DYNC1H1: variants seen among roughly 807,000 people sequenced by gnomAD.
DYNC1H1 encodes the protein cytoplasmic dynein 1 heavy chain 1.
A neutral mutation model predicts 527.1 loss-of-function variants in DYNC1H1; 51 were observed. That is an observed-to-expected ratio of 0.10 (90% confidence interval 0.08 to 0.12). DYNC1H1 has a LOEUF of 0.12. Among genes scored for constraint, DYNC1H1 ranks in the 10% least tolerant of loss-of-function variants. The pLI, the probability that DYNC1H1 is intolerant of heterozygous loss-of-function variation, is 1.00. For missense variants in DYNC1H1, 2,771 were observed against 5,971.8 expected (o/e 0.46, Z 17.66); for synonymous variants, 2,189 against 2,278.8 (o/e 0.96, Z 1.12).
At position 102,008,331 on chromosome 14, in the gene DYNC1H1, G is replaced by C; in HGVS notation, c.5971G>C (p.Asp1991His). 1.2e-6 allele frequency: 2 copies of C among 1,614,082 alleles called. No homozygotes were observed. The highest frequency in any genetic ancestry group is 1.7e-6 in the Non-Finnish European group (2 of 1,179,998). Residue 1991 changes from aspartate (D) to histidine (H), a missense_variant, in exon 29 of 78, where the codon GAC becomes CAC. Physicochemically the swap from Asp to His is moderately conservative, Grantham distance 81. This residue lies in a region of DYNC1H1 where 39 missense variants were observed against 38.8 expected (regional missense o/e 1.00). Transcript: ENST00000360184. ...GCGTGAACATTCCAACCCCAACTACGACAAGAGTAAGACACCTCTTCTTCA... is the reference window on the plus strand; with the variant it reads ...GCGTGAACATTCCAACCCCAACTACCACAAGAGTAAGACACCTCTTCTTCA... ...ALREHSNPNY[D>H]KTSAPITCEL... is the part of the protein sequence containing the mutation.
At position 101,986,250 on chromosome 14, in the gene DYNC1H1, T is replaced by C. The variant is rs140154194; in HGVS notation, c.2025T>C (p.Asn675=). The change falls in exon 8 of 78, where the codon AAT becomes AAC. Residue 675 remains asparagine, a synonymous_variant. Transcript: ENST00000360184. The surrounding 1 kb of genome is among the most constrained non-coding windows in gnomAD (Gnocchi z 8.7). ...VEDVLGKGWE[N]HVEGQKLKQD... The stretch of plus-strand genomic sequence containing the variant: ...ATGTCCTTGGCAAGGGCTGGGAGAA[T>C]CACGTGGAGGGGCAGAAGCTGAAGC... The C allele has an allele frequency of 1.1e-4, 177 of 1,613,648 alleles. No homozygotes were observed. Among genetic ancestry groups the C allele is most frequent in the Middle Eastern group, 1.6e-4 (1 of 6,082 alleles).
In DYNC1H1 at chr14:102,054,346, T is replaced by A. The variant is rs2048853760; in HGVS notation, c.*3783T>A. 6.6e-6 allele frequency: 1 copy of A among 152,158 alleles called. No individual in the cohort carries two copies. The highest frequency in any genetic ancestry group is 2.1e-4 in the South Asian group (1 of 4,824). 9.4% of individuals were successfully genotyped at this position (152,158 alleles called of 1,614,324 possible). A position where few individuals can be genotyped will look rare whatever the true frequency, so the allele number is the denominator to read the frequency against. ...TGCCACATCCAGGGCCTGAAGGGCG[T>A]TCTGGGGAGCCTCCACCTTCACACC... is the stretch of plus-strand genomic sequence containing the variant. On this transcript the variant is annotated 3_prime_UTR_variant, in exon 78 of 78. Coordinates refer to ENST00000360184, the MANE Select transcript of DYNC1H1 (RefSeq NM_001376.5).
chr14:101,967,111 C>T (rs2047677592), intron 1 of DYNC1H1, among the ~76,000 whole-genome samples: 1 of 152,094 alleles, frequency 6.6e-6, no homozygotes, highest in Admixed American at 6.6e-5. Flanking sequence ...TTAAATTAAT[C>T]CAGTTTTATG....
At position 102,041,445 on chromosome 14, in the gene DYNC1H1, T is replaced by C; in HGVS notation, c.11942-129T>C. On this transcript the variant is annotated intron_variant, in intron 64 of 77. Transcript: ENST00000360184. This position sits in a 1 kb window ranked among gnomAD's most constrained non-coding sequence, Gnocchi z 4.5. Reference sequence around the variant, plus strand: ...GCACAGCAGATGTGGCTGAATTTCCTGATTTGAGCTGATCCTGAAATGCTG... The same window carrying C: ...GCACAGCAGATGTGGCTGAATTTCCCGATTTGAGCTGATCCTGAAATGCTG... 1 of 1,484,746 alleles carries C rather than the reference T, an allele frequency of 6.7e-7. No individual in the cohort carries two copies. Among genetic ancestry groups the C allele is most frequent in the South Asian group, 1.1e-5 (1 of 87,602 alleles). The allele number at this position is 1,484,746 out of a possible 1,614,324, so 92.0% of individuals were successfully genotyped here. A position where few individuals can be genotyped will look rare whatever the true frequency, so the allele number is the denominator to read the frequency against.
chr14:101,968,215 G>A (rs1244296711), intron 1 of DYNC1H1, among the ~76,000 whole-genome samples: 3 of 152,160 alleles, frequency 2.0e-5, no homozygotes, highest in African/African-American at 7.2e-5. Context: ...CCTGGGATTG[G>A]CTGCTAGGTT....
chr14:101,988,769 C>G lies in DYNC1H1; in HGVS notation c.2785C>G (p.Gln929Glu). The change falls in exon 10 of 78, where the codon CAA becomes GAA. Residue 929 changes from glutamine to glutamate, a missense_variant. This residue lies in a region of DYNC1H1 where 179 missense variants were observed against 349.4 expected (regional missense o/e 0.51). Transcript: ENST00000360184. ...AGCTTGGACGCAGGTTCTTCTTGGA[C>G]AAGCTGAAGATAAAGCAGAAGTTGA... ...LRAWTQVLLG[Q>E]AEDKAEVDMD... The G allele has an allele frequency of 6.2e-7, 1 of 1,614,196 alleles. No individual in the cohort carries two copies. The highest frequency in any genetic ancestry group is 8.5e-7 in the Non-Finnish European group (1 of 1,180,036).
In DYNC1H1 at chr14:101,971,155, C is replaced by T. The variant is rs117711564; in HGVS notation, c.257-4557C>T. On this transcript the variant is annotated intron_variant, in intron 1 of 77. Transcript: ENST00000360184. ...CTCTGTCGCCCAGGCTGGAGTGCAG[C>T]GCTGCAGTCTCAGCTCACTGCAGCC... Among the ~76,000 whole-genome samples, 742 of 135,808 alleles carry T rather than the reference C, an allele frequency of 5.5e-3. 15 individuals carry two copies. The highest frequency in any genetic ancestry group is 0.038 in the East Asian group (174 of 4,576). The allele number at this position is 135,808 out of a possible 152,430, so 89.1% of individuals were successfully genotyped here.
chr14:102,007,218 G>A, intron 28 of DYNC1H1, 110 bp downstream of exon 28: 1 of 1,156,408 alleles, frequency 8.6e-7, no homozygotes, highest in Non-Finnish European at 1.3e-6. Flanking sequence ...GCTCAGCGTG[G>A]TTTATATGGC....
At chr14:102,019,861 A>G (rs781184152) in intron 41 of DYNC1H1, 32 bp from the exon 42 acceptor site, 4 of 1,613,746 alleles carry the variant, frequency 2.5e-6, no homozygotes, top group Middle Eastern at 1.6e-4. Flanking sequence ...TAAGATATTT[A>G]CGTGTACCTT....
intron 11 of DYNC1H1, 141 bp from the exon 12 acceptor site, chr14:101,994,043 C>T: frequency 8.7e-7 from 1 of 1,152,414 alleles, no homozygotes; most frequent in Non-Finnish European, 1.3e-6. Context: ...TACTTGTGGC[C>T]AGGGTAAGTG....
At position 102,001,982 on chromosome 14, in the gene DYNC1H1, A is replaced by G. The variant is rs957290912; in HGVS notation, c.4542+301A>G. Among the ~76,000 whole-genome samples the G allele has an allele frequency of 2.0e-5, 3 of 152,134 alleles. No individual in the cohort carries two copies. The highest frequency in any genetic ancestry group is 4.4e-5 in the Non-Finnish European group (3 of 68,028). The stretch of plus-strand genomic sequence containing the variant: ...GAGACAGCATCTCACTATATTGCCC[A>G]GGCTGGTCTCGAACTCCTGGGCTTA... On this transcript the variant is annotated intron_variant, in intron 21 of 77. Coordinates refer to ENST00000360184, the MANE Select transcript of DYNC1H1 (RefSeq NM_001376.5). This position sits in a 1 kb window ranked among gnomAD's most constrained non-coding sequence, Gnocchi z 5.0.
chr14:102,050,244 G>A (rs374961796), intron 77 of DYNC1H1, 46 bp downstream of exon 77: 64 of 1,613,472 alleles, frequency 4.0e-5, no homozygotes, highest in South Asian at 1.9e-4. Context: ...GGACCCCTGC[G>A]GTAACAAGGG....
rs192959810 is a variant in DYNC1H1 at position 101,985,929 on chromosome 14, T to C, written c.1704T>C (p.Leu568=). 1.3e-4 allele frequency: 212 copies of C among 1,614,238 alleles called. 1 individual carries two copies. The highest frequency in any genetic ancestry group is 8.2e-4 in the Middle Eastern group (5 of 6,062). Residue 568 remains leucine, a synonymous_variant, in exon 8 of 78, where the codon CTT becomes CTC. Transcript: ENST00000360184. This position sits in a 1 kb window ranked among gnomAD's most constrained non-coding sequence, Gnocchi z 5.9. ...DRVETRITAR[L]RDQLGTAKNA... is the part of the protein sequence containing the mutation. ...TGGAGACCCGGATCACCGCTCGCCT[T>C]CGGGATCAGCTTGGCACAGCCAAGA...
rs17540915 is a variant in DYNC1H1, at chr14:101,995,354, G to A, written c.3564+54G>A. The A allele has an allele frequency of 0.024, 38,382 of 1,607,678 alleles. 608 individuals are homozygous for A. The highest frequency in any genetic ancestry group is 0.043 in the South Asian group (3,916 of 90,740). On this transcript the variant is annotated intron_variant, in intron 15 of 77. Transcript: ENST00000360184. Reference sequence around the variant, plus strand: ...TGGCTGGGCGTGGTGGCTCACGCCTGTAATCCCAGCACTTTGGGAGGCCGA... The same window carrying A: ...TGGCTGGGCGTGGTGGCTCACGCCTATAATCCCAGCACTTTGGGAGGCCGA...
At chr14:102,031,818 G>A (rs1244317638) in intron 51 of DYNC1H1, among the ~76,000 whole-genome samples, 2 of 152,114 alleles carry the variant, frequency 1.3e-5, no homozygotes, top group Non-Finnish European at 2.9e-5. Flanking sequence ...GCTGGGCGTG[G>A]TGGTGCATAC....
At position 102,001,402 on chromosome 14, in the gene DYNC1H1, T is replaced by A. The variant is rs1282159154; in HGVS notation, c.4395+48T>A. 2 of 1,613,636 alleles carry A rather than the reference T, an allele frequency of 1.2e-6. No homozygotes were observed. Among genetic ancestry groups the A allele is most frequent in the Admixed American group, 1.7e-5 (1 of 60,020 alleles). ...TGCTTTACGTTGTGTTTCGGGCTGTTACATAGATCTGAGCTATGTAAAAAT... is the reference window on the plus strand; with the variant it reads ...TGCTTTACGTTGTGTTTCGGGCTGTAACATAGATCTGAGCTATGTAAAAAT... On this transcript the variant is annotated intron_variant, in intron 20 of 77. Transcript: ENST00000360184. The surrounding 1 kb of genome is among the most constrained non-coding windows in gnomAD (Gnocchi z 5.0).
chr14:102,019,720 G>T (rs900043312), intron 41 of DYNC1H1, among the ~76,000 whole-genome samples, 173 bp from the exon 42 acceptor site: 9 of 152,160 alleles, frequency 5.9e-5, no homozygotes, highest in Non-Finnish European at 1.2e-4. Flanking sequence ...TTCTGCCTCA[G>T]CCTCCCTAGT....
intron 56 of DYNC1H1, 26 bp downstream of exon 56, chr14:102,034,478 G>A (rs1234570934): frequency 6.2e-7 from 1 of 1,612,162 alleles, no homozygotes; most frequent in Admixed American, 1.7e-5. Flanking sequence ...CCAAGGAGAG[G>A]CATGGGAGGA....
chr14:102,028,299 C>T, intron 48 of DYNC1H1, 158 bp downstream of exon 48: 1 of 828,566 alleles, frequency 1.2e-6, no homozygotes, highest in Non-Finnish European at 1.9e-6. Flanking sequence ...ATCACTTGAA[C>T]CCAGGAGTTC....
Sources: gnomAD v4.1 joint callset for allele counts (sites outside exome capture counted in the v4.1 genomes callset) on GRCh38, gnomAD v4.1.1 for gene constraint, gnomAD v4.1.1 regional missense constraint, Gnocchi (gnomAD v3.1) non-coding constraint, MANE v1.5 for transcripts, NCBI Gene and HGNC (gene_info 2026-07-23, HGNC 2026-07-21) for gene names.